The following ADCY9 variants were observed in gnomAD, a reference collection of about 807,000 sequenced individuals.
ADCY9 encodes the protein adenylate cyclase type 9.
Under a neutral mutation model 101.5 loss-of-function variants are expected in ADCY9, and 50 were observed. The ratio of observed to expected loss-of-function variants is 0.49; its 90% confidence interval spans 0.39 to 0.62. The LOEUF is 0.62. Ranked by LOEUF, ADCY9 falls within the 20% of genes least tolerant of loss-of-function variation. ADCY9 has a pLI of 0.00. For synonymous variants in ADCY9, 905 were observed against 769.3 expected (o/e 1.18, Z -2.92); for missense variants, 1,662 against 1,800.4 (o/e 0.92, Z 1.39).
In ADCY9 at chr16:3,992,625, G is replaced by A. The variant is rs2056254352; in HGVS notation, c.1990-262C>T. 6.6e-6 allele frequency among the ~76,000 whole-genome samples: 1 copy of A among 152,124 alleles called. No homozygotes were observed. Among genetic ancestry groups the A allele is most frequent in the African/African-American group, 2.4e-5 (1 of 41,424 alleles). On this transcript the variant is annotated intron_variant, in intron 4 of 10. Coordinates refer to ENST00000294016, the MANE Select transcript of ADCY9 (RefSeq NM_001116.4). This position sits in a 1 kb window ranked among gnomAD's most constrained non-coding sequence, Gnocchi z 4.2. ...TCAGGCTGCCAGGACATTGAGACAT[G>A]GGAAGAGTCGGTGCGGAGGTGGAGG...
At chr16:4,021,332 G>C (rs2056475246) in intron 2 of ADCY9, among the ~76,000 whole-genome samples, 1 of 152,208 alleles carries the variant, frequency 6.6e-6, no homozygotes, top group African/African-American at 2.4e-5. Flanking sequence ...TTCAGGAAAG[G>C]TATTACTCCA....
intron 2 of ADCY9, among the ~76,000 whole-genome samples, chr16:4,037,782 C>T (rs866262014): frequency 2.0e-5 from 3 of 152,016 alleles, no homozygotes; most frequent in African/African-American, 4.8e-5. Context: ...TGTCTTTGAG[C>T]GGAGACCTGT....
At chr16:4,014,134 C>T (rs908809722) in intron 2 of ADCY9, among the ~76,000 whole-genome samples, 10 of 152,102 alleles carry the variant, frequency 6.6e-5, no homozygotes, top group South Asian at 6.2e-4. Context: ...GCCTGGCCAA[C>T]ATGGCGAAAT....
In ADCY9 at chr16:3,977,531, C is replaced by T. The variant is rs779548082; in HGVS notation, c.2779G>A (p.Val927Met). The T allele has an allele frequency of 5.0e-6, 8 of 1,596,818 alleles. No homozygotes were observed. Among genetic ancestry groups the T allele is most frequent in the South Asian group, 1.1e-5 (1 of 88,602 alleles). Residue 927 changes from valine (V) to methionine (M), a missense_variant, in exon 9 of 11, where the codon GTG becomes ATG. Transcript: ENST00000294016. The part of the protein sequence containing the change: ...SWMRSSLATV[V>M]GAGPLLLLYV... ...AGCAGGAGCAGCGGCCCGGCCCCCA[C>T]GACGGTGGCGAGGGAGGACCTCATC...
rs147897076 is a variant in ADCY9 at position 4,097,268 on chromosome 16, G to A, written c.1693+16482C>T. On this transcript the variant is annotated intron_variant, in intron 2 of 10. Transcript: ENST00000294016. ...CCATTCACATTCCCAGGCACCATGCGCTGGTCAGCCCTCTCGGCCACCACC... is the reference window on the plus strand; with the variant it reads ...CCATTCACATTCCCAGGCACCATGCACTGGTCAGCCCTCTCGGCCACCACC... Among the ~76,000 whole-genome samples, 702 of 151,578 alleles carry A rather than the reference G, an allele frequency of 4.6e-3. 2 individuals are homozygous for A. The highest frequency in any genetic ancestry group is 7.9e-3 in the Non-Finnish European group (539 of 67,906).
chr16:3,963,097 CATATATATATATATATATATATATATAT>C lies in ADCY9; in HGVS notation c.*2650_*2677del, dbSNP rs57326989. ...GATAAAATTGTGTGTGCTTGTTTAC[CATATATATATATATATATATATATATAT>C]ATATATATATATATATATGGATATA... On this transcript the variant is annotated 3_prime_UTR_variant, in exon 11 of 11. Transcript: ENST00000294016. 1.1e-3 allele frequency: 140 copies of C among 122,064 alleles called. 4 individuals carry two copies. The highest frequency in any genetic ancestry group is 4.0e-3 in the Middle Eastern group (1 of 248). The allele number at this position is 122,064 out of a possible 1,614,324, so 7.6% of individuals were successfully genotyped here.
intron 2 of ADCY9, among the ~76,000 whole-genome samples, chr16:4,066,578 G>A (rs1398694163): frequency 2.0e-5 from 3 of 151,736 alleles, no homozygotes; most frequent in Non-Finnish European, 2.9e-5. Context: ...GTAGAAATGA[G>A]GTCTCGCTGT....
chr16:4,115,387 C>A lies in ADCY9; in HGVS notation c.56G>T (p.Cys19Phe), dbSNP rs771001767. ...GCTGTTGCTGTCCCCGCTGGAGTCG[C>A]AGCTCACCTCGGTGCTGTGGTGATG... ...LLHHHSTEVS[C>F]DSSGDSNSVR... Residue 19 changes from cysteine to phenylalanine, a missense_variant, in exon 2 of 11, where the codon TGC becomes TTC. By Grantham distance (205) the Cys-to-Phe change is radical (BLOSUM62 -2). Coordinates refer to ENST00000294016, the MANE Select transcript of ADCY9 (RefSeq NM_001116.4). This position sits in a 1 kb window ranked among gnomAD's most constrained non-coding sequence, Gnocchi z 6.2. 6.3e-7 allele frequency: 1 copy of A among 1,597,216 alleles called. No homozygotes were observed. The highest frequency in any genetic ancestry group is 2.3e-5 in the East Asian group (1 of 44,140).
intron 2 of ADCY9, among the ~76,000 whole-genome samples, chr16:4,084,976 C>T (rs2056928286): frequency 6.6e-6 from 1 of 152,146 alleles, no homozygotes; most frequent in Admixed American, 6.5e-5. Flanking sequence ...TAAAAGTCTT[C>T]AGACGCCTGT....
chr16:4,063,497 C>T (rs907714421), intron 2 of ADCY9, among the ~76,000 whole-genome samples: 1 of 151,976 alleles, frequency 6.6e-6, no homozygotes, highest in African/African-American at 2.4e-5. Flanking sequence ...TCGCTCAAGC[C>T]CAGGAGTTGA....
chr16:3,991,978 G>A (rs969641284), intron 5 of ADCY9, among the ~76,000 whole-genome samples, 168 bp downstream of exon 5: 2 of 152,010 alleles, frequency 1.3e-5, no homozygotes, highest in African/African-American at 4.8e-5. Context: ...GGCTGAGGCA[G>A]GAGCATCGTT....
chr16:3,985,557 G>A (rs374125252), intron 6 of ADCY9, among the ~76,000 whole-genome samples: 80 of 152,296 alleles, frequency 5.3e-4, no homozygotes, highest in African/African-American at 1.8e-3. Flanking sequence ...AGGGCCGGGT[G>A]CATGCATGTG....
At chr16:4,040,631 A>G (rs1479646840) in intron 2 of ADCY9, among the ~76,000 whole-genome samples, 1 of 152,008 alleles carries the variant, frequency 6.6e-6, no homozygotes, top group Non-Finnish European at 1.5e-5. Context: ...TAATTTTTGT[A>G]TTTTTAGTAG....
intron 3 of ADCY9, among the ~76,000 whole-genome samples, chr16:4,002,872 C>T (rs2056340400): frequency 6.6e-6 from 1 of 152,188 alleles, no homozygotes; most frequent in African/African-American, 2.4e-5. Context: ...TATGCCACCA[C>T]ACCTGGCTAA....
chr16:4,008,696 G>A (rs1377893014), intron 2 of ADCY9, among the ~76,000 whole-genome samples: 1 of 152,004 alleles, frequency 6.6e-6, no homozygotes, highest in Non-Finnish European at 1.5e-5. Context: ...CTCAGCCTGT[G>A]AGCAGGCAGG....
chr16:4,111,214 T>G (rs1249721258), intron 2 of ADCY9, among the ~76,000 whole-genome samples: 1 of 152,220 alleles, frequency 6.6e-6, no homozygotes, highest in African/African-American at 2.4e-5. Context: ...CTGGCTGCTT[T>G]TTAACCCTGG....
intron 2 of ADCY9, among the ~76,000 whole-genome samples, chr16:4,112,509 G>A (rs910856006): frequency 6.6e-6 from 1 of 152,026 alleles, no homozygotes; most frequent in African/African-American, 2.4e-5. Context: ...TCACACCAAC[G>A]ACCTATGCAG....
chr16:4,071,944 G>A (rs1208673540), intron 2 of ADCY9, among the ~76,000 whole-genome samples: 1 of 152,126 alleles, frequency 6.6e-6, no homozygotes, highest in Non-Finnish European at 1.5e-5. Context: ...CTGAGTAGCT[G>A]GGATTACAGG....
rs1425469575 is a variant in ADCY9 at position 4,116,235 on chromosome 16, G to A, written c.-589C>T. ...GAACCACGGACGCGGGCCCCTCGCCGGGCGGCGGTGCAGACGCTGCCGCAG... is the reference window on the plus strand; with the variant it reads ...GAACCACGGACGCGGGCCCCTCGCCAGGCGGCGGTGCAGACGCTGCCGCAG... On this transcript the variant is annotated 5_prime_UTR_variant, in exon 1 of 11. Coordinates refer to ENST00000294016, the MANE Select transcript of ADCY9 (RefSeq NM_001116.4). 1 of 145,430 alleles carries A rather than the reference G, an allele frequency of 6.9e-6. No homozygotes were observed. Among genetic ancestry groups the A allele is most frequent in the Non-Finnish European group, 1.5e-5 (1 of 65,538 alleles). 9.0% of individuals were successfully genotyped at this position (145,430 alleles called of 1,614,324 possible). A position where few individuals can be genotyped will look rare whatever the true frequency, so the allele number is the denominator to read the frequency against.
Sources: allele counts gnomAD v4.1 joint callset (sites outside exome capture counted in the v4.1 genomes callset), GRCh38; gene constraint gnomAD v4.1.1; non-coding constraint Gnocchi (gnomAD v3.1); transcripts MANE v1.5; gene names NCBI Gene and HGNC (gene_info 2026-07-23, HGNC 2026-07-21).